Variants in SNX30 observed in about 807,000 individuals in gnomAD.
SNX30 encodes sorting nexin family member 30, also known as sorting nexin-30.
In SNX30, 24 loss-of-function variants were observed where a neutral mutation model predicts 46.4. The ratio of observed to expected loss-of-function variants is 0.52; its 90% CI spans 0.37 to 0.73. SNX30 has a LOEUF of 0.73. SNX30 is among the 30% of genes least tolerant of loss of function. The pLI, the probability that SNX30 is intolerant of heterozygous loss-of-function variation, is 0.00. For missense variants in SNX30, 533 were observed against 555.7 expected (o/e 0.96, Z 0.41); for synonymous variants, 189 against 211.5 (o/e 0.89, Z 0.92).
intron 2 of SNX30, among the ~76,000 whole-genome samples, chr9:112,812,144 A>C (rs983711859): frequency 2.6e-5 from 4 of 151,914 alleles, no homozygotes; most frequent in Non-Finnish European, 5.9e-5. Flanking sequence ...ACCTACTTCT[A>C]ATTTATGTCA....
In SNX30 at chr9:112,820,272, G is replaced by GAGA. The variant is rs1564280243; in HGVS notation, c.459+2457_459+2458insAGA. On this transcript the variant is annotated intron_variant, in intron 3 of 8. Transcript: ENST00000374232. Reference sequence around the variant, plus strand: ...TTCTTGGTACTTGCATATCTGGAGTGGAGATTTAATATGGGAGAGCCTCTC... The same window carrying GAGA: ...TTCTTGGTACTTGCATATCTGGAGTGAGAGAGATTTAATATGGGAGAGCCTCTC... 4.7e-4 allele frequency among the ~76,000 whole-genome samples: 72 copies of GAGA among 151,976 alleles called. 1 individual carries two copies. Among genetic ancestry groups the GAGA allele is most frequent in the African/African-American group, 1.6e-3 (68 of 41,438 alleles).
intron 6 of SNX30, among the ~76,000 whole-genome samples, chr9:112,844,503 G>A (rs1840907645): frequency 1.3e-5 from 2 of 152,132 alleles, no homozygotes; most frequent in African/African-American, 4.8e-5. Flanking sequence ...GAAGGCCTGC[G>A]CCTGTGGCAT....
rs56051119 is a variant in SNX30 at position 112,857,791 on chromosome 9, TCCAA to T, written c.1102-6452_1102-6449del. Among the ~76,000 whole-genome samples the T allele has an allele frequency of 5.1e-3, 773 of 150,266 alleles. 5 individuals carry two copies. The highest frequency in any genetic ancestry group is 0.013 in the East Asian group (68 of 5,116). On this transcript the variant is annotated intron_variant, in intron 7 of 8. Coordinates refer to ENST00000374232, the MANE Select transcript of SNX30 (RefSeq NM_001012994.2). ...ATGCATCCATCCATCCATCCATCCA[TCCAA>T]CCATCCATCCATCCATCTATCTATT...
chr9:112,845,788 G>A (rs1840932559), intron 6 of SNX30, among the ~76,000 whole-genome samples: 1 of 152,192 alleles, frequency 6.6e-6, no homozygotes, highest in Non-Finnish European at 1.5e-5. Flanking sequence ...ATGTCAACAA[G>A]CCCTCTGTGC....
At chr9:112,875,354 A>G (rs112709186), downstream of SNX30, 1 of 152,228 alleles carries the variant, frequency 6.6e-6, no homozygotes. Context: ...TATATTCTGC[A>G]TCAGGGCCAG....
In SNX30 at chr9:112,850,940, C is replaced by T; in HGVS notation, c.1096C>T (p.Pro366Ser). The change falls in exon 7 of 9, where the codon CCC (proline) becomes TCC (serine). Residue 366 changes from proline to serine, a missense_variant. Around this residue, in one of 3 missense-constraint regions of SNX30, gnomAD observed 261 missense variants for 270.9 expected, o/e 0.96. Transcript: ENST00000374232. ...EAVALRKEDR[P>S]KVPADVEKCQ... ...TGTGGCTCTGCGGAAGGAAGACCGC[C>T]CCAAGGTCAGGGAAGCCACCTGGGA... 5.6e-6 allele frequency: 9 copies of T among 1,613,904 alleles called. No individual in the cohort carries two copies. The highest frequency in any genetic ancestry group is 7.6e-6 in the Non-Finnish European group (9 of 1,179,890).
intron 3 of SNX30, among the ~76,000 whole-genome samples, chr9:112,823,452 A>G (rs942489235): frequency 3.3e-5 from 5 of 152,212 alleles, no homozygotes; most frequent in Admixed American, 3.3e-4. Context: ...GTATTTGTTC[A>G]GTGGGTTTGA....
chr9:112,851,066 A>T (rs1435030622), intron 7 of SNX30, 121 bp downstream of exon 7: 2 of 605,326 alleles, frequency 3.3e-6, no homozygotes, highest in African/African-American at 3.7e-5. Flanking sequence ...TACGTTGATG[A>T]TGTTGTCCTT....
intron 4 of SNX30, 64 bp downstream of exon 4, chr9:112,830,947 C>T: frequency 6.6e-7 from 1 of 1,506,940 alleles, no homozygotes; most frequent in Non-Finnish European, 8.9e-7. Flanking sequence ...TTCCTAAAAG[C>T]TGTTTTGAGC....
chr9:112,751,080 T>C lies in SNX30; in HGVS notation c.79T>C (p.Ser27Pro). ...LRDMPHPLAG[S>P]SSEEAVGGDS... ...CGACATGCCGCACCCGCTGGCCGGC[T>C]CCAGCAGCGAGGAGGCCGTGGGTGG... The change falls in exon 1 of 9, where the codon TCC (serine) becomes CCC (proline). Residue 27 changes from serine to proline, a missense_variant. Physicochemically the swap from Ser to Pro is moderately conservative, Grantham distance 74. Coordinates refer to ENST00000374232, the MANE Select transcript of SNX30 (RefSeq NM_001012994.2). 6.6e-7 allele frequency: 1 copy of C among 1,509,444 alleles called. No individual in the cohort carries two copies. Among genetic ancestry groups the C allele is most frequent in the African/African-American group, 1.4e-5 (1 of 70,508 alleles). 93.5% of individuals were successfully genotyped at this position (1,509,444 alleles called of 1,614,324 possible).
chr9:112,833,663 C>T (rs986058421), intron 4 of SNX30, among the ~76,000 whole-genome samples: 1 of 152,132 alleles, frequency 6.6e-6, no homozygotes, highest in African/African-American at 2.4e-5. Flanking sequence ...ACTTGGTTAA[C>T]GGGGACACGC....
chr9:112,781,521 A>T (rs1273010879), intron 1 of SNX30, among the ~76,000 whole-genome samples: 1 of 152,196 alleles, frequency 6.6e-6, no homozygotes, highest in African/African-American at 2.4e-5. Flanking sequence ...TATACTATTC[A>T]TCGAAATCAG....
In SNX30 at chr9:112,850,915, T is replaced by G; in HGVS notation, c.1071T>G (p.Ala357=). 1 of 1,614,024 alleles carries G rather than the reference T, an allele frequency of 6.2e-7. No individual in the cohort carries two copies. The highest frequency in any genetic ancestry group is 1.1e-5 in the South Asian group (1 of 91,070). Reference sequence around the variant, plus strand: ...CAGAGTATGAAGCCAAACTGGAAGCTGTGGCTCTGCGGAAGGAAGACCGCC... The same window carrying G: ...CAGAGTATGAAGCCAAACTGGAAGCGGTGGCTCTGCGGAAGGAAGACCGCC... The part of the protein sequence containing the change: ...VQAEYEAKLE[A]VALRKEDRPK... The change falls in exon 7 of 9, where the codon GCT becomes GCG. Residue 357 remains alanine (A), a synonymous_variant. Transcript: ENST00000374232.
chr9:112,825,977 C>G (rs1840574185), intron 3 of SNX30, among the ~76,000 whole-genome samples: 1 of 152,142 alleles, frequency 6.6e-6, no homozygotes, highest in Non-Finnish European at 1.5e-5. Context: ...AGGATTCTCT[C>G]TAGGGTTCCT....
At chr9:112,880,764 C>T (rs1054833006) in intron 5 of SNX30, among the ~76,000 whole-genome samples, 1 of 152,172 alleles carries the variant, frequency 6.6e-6, no homozygotes, top group African/African-American at 2.4e-5. Context: ...ATCCATTAGG[C>T]CATCTCTTTA....
At chr9:112,786,164 C>G (rs1299713010) in intron 1 of SNX30, among the ~76,000 whole-genome samples, 2 of 148,312 alleles carry the variant, frequency 1.3e-5, no homozygotes, top group Non-Finnish European at 3.0e-5. Flanking sequence ...GTCACCCAGG[C>G]TGGAATGCAG....
chr9:112,857,129 C>G lies in SNX30; in HGVS notation c.1101+6184C>G, dbSNP rs143216009. On this transcript the variant is annotated intron_variant, in intron 7 of 8. Transcript: ENST00000374232. Reference sequence around the variant, plus strand: ...GCACGGAGAGTGCGTGTGGCCTTCCCTGGGGCTTCACTCTCGTGTCATTGC... The same window carrying G: ...GCACGGAGAGTGCGTGTGGCCTTCCGTGGGGCTTCACTCTCGTGTCATTGC... 1.6e-3 allele frequency among the ~76,000 whole-genome samples: 245 copies of G among 152,330 alleles called. 2 individuals carry two copies. The highest frequency in any genetic ancestry group is 5.6e-3 in the African/African-American group (233 of 41,580).
At chr9:112,833,679 A>G (rs542764598) in intron 4 of SNX30, among the ~76,000 whole-genome samples, 5 of 152,264 alleles carry the variant, frequency 3.3e-5, no homozygotes, top group African/African-American at 1.2e-4. Context: ...CACGCTTTCA[A>G]AGCTCTACTT....
chr9:112,822,839 C>T (rs549356557), intron 3 of SNX30, among the ~76,000 whole-genome samples: 14 of 152,326 alleles, frequency 9.2e-5, no homozygotes, highest in African/African-American at 3.4e-4. Flanking sequence ...TGTATCCACG[C>T]TGTAGACATT....
Sources: gnomAD v4.1 joint callset for allele counts (sites outside exome capture counted in the v4.1 genomes callset) on GRCh38, gnomAD v4.1.1 for gene constraint, gnomAD v4.1.1 regional missense constraint, MANE v1.5 for transcripts, NCBI Gene and HGNC (gene_info 2026-07-23, HGNC 2026-07-21) for gene names.